The following SLC25A16 variants were observed in gnomAD, a reference collection of about 807,000 sequenced individuals.
The protein encoded by SLC25A16 is mitochondrial coenzyme A transporter SLC25A16.
In SLC25A16, 39 loss-of-function variants were observed where a neutral mutation model predicts 41.5. The ratio of observed to expected loss-of-function variants is 0.94; its 90% CI spans 0.73 to 1.23. SLC25A16 has a LOEUF of 1.23. SLC25A16 is among the 50% of genes most tolerant of loss of function. SLC25A16 has a pLI of 0.00. For missense variants in SLC25A16, 421 were observed against 426.9 expected, an observed-to-expected ratio of 0.99 and a Z score of 0.12; for synonymous variants, 146 against 147.8, an observed-to-expected ratio of 0.99 and a Z score of 0.09.
Position 68,479,425 on chromosome 10 carries a change from G to A in SLC25A16, c.*4007C>T, listed in dbSNP as rs2052460617. The stretch of plus-strand genomic sequence containing the variant: ...ATCAGATTGCAAGTACAGCTAACAA[G>A]CCTCCCAAGGGAAGTCCTCCATAAT... On this transcript the variant is annotated 3_prime_UTR_variant, in exon 9 of 9. Transcript: ENST00000609923. 1 of 152,138 alleles carries A rather than the reference G, an allele frequency of 6.6e-6. No homozygotes were observed. Among genetic ancestry groups the A allele is most frequent in the Non-Finnish European group, 1.5e-5 (1 of 68,054 alleles). The allele number at this position is 152,138 out of a possible 1,614,324, so 9.4% of individuals were successfully genotyped here. A position where few individuals can be genotyped will look rare whatever the true frequency, so the allele number is the denominator to read the frequency against.
At chr10:68,500,941 GAAA>G (rs1384968088) in intron 4 of SLC25A16, among the ~76,000 whole-genome samples, 1 of 144,680 alleles carries the variant, frequency 6.9e-6, no homozygotes, top group Non-Finnish European at 1.5e-5. Flanking sequence ...AAAAAAAGAA[GAAA>G]AAAGATAATT....
At chr10:68,510,705 G>A (rs2053047306) in intron 2 of SLC25A16, among the ~76,000 whole-genome samples, 1 of 152,060 alleles carries the variant, frequency 6.6e-6, no homozygotes, top group Admixed American at 6.6e-5. Flanking sequence ...AGGCGTAGTG[G>A]CATGTAGCTG....
Position 68,493,454 on chromosome 10 carries a change from C to T in SLC25A16, c.538G>A (p.Ala180Thr). 1 of 1,612,820 alleles carries T rather than the reference C, an allele frequency of 6.2e-7. No individual in the cohort carries two copies. The highest frequency in any genetic ancestry group is 8.5e-7 in the Non-Finnish European group (1 of 1,179,032). Reference protein sequence around the residue: ...GIIHAFKTIYAKEGGFFGFYR... With the variant: ...GIIHAFKTIYTKEGGFFGFYR... Reference sequence around the variant, plus strand: ...GGAAGGTAAATATGAAATACCTTTGCATAAATTGTTTTGAAAGCATGAATA... The same window carrying T: ...GGAAGGTAAATATGAAATACCTTTGTATAAATTGTTTTGAAAGCATGAATA... The change falls in exon 5 of 9, where the codon GCA (alanine) becomes ACA (threonine). Residue 180 changes from alanine to threonine, a missense_variant. Physicochemically the swap from Ala to Thr is moderately conservative, Grantham distance 58. Transcript: ENST00000609923.
At chr10:68,508,216 A>G (rs1271164020) in intron 2 of SLC25A16, among the ~76,000 whole-genome samples, 2 of 152,064 alleles carry the variant, frequency 1.3e-5, no homozygotes, top group Non-Finnish European at 2.9e-5. Flanking sequence ...CATCTCAAAA[A>G]AACAAACAAA....
At chr10:68,504,586 C>T (rs1031586101) in intron 3 of SLC25A16, among the ~76,000 whole-genome samples, 18 of 151,400 alleles carry the variant, frequency 1.2e-4, no homozygotes, top group Admixed American at 9.2e-4. Flanking sequence ...ACCATGTTAG[C>T]CAGGATGGTC....
At chr10:68,486,218 C>CA (rs1397261235) in intron 8 of SLC25A16, among the ~76,000 whole-genome samples, 7 of 49,864 alleles carry the variant, frequency 1.4e-4, no homozygotes, top group African/African-American at 6.7e-4. Flanking sequence ...GACTTTGTCT[C>CA]AAAAAAACAA....
At chr10:68,486,956 CAAAAA>C (rs374368406) in intron 8 of SLC25A16, 183 bp downstream of exon 8, 1,756 of 100,056 alleles carry the variant, frequency 0.018, no homozygotes, top group South Asian at 0.031. Context: ...GACTGCATCT[CAAAAA>C]AAAAAAAAAA....
At position 68,483,575 on chromosome 10, in the gene SLC25A16, T is replaced by C; in HGVS notation, c.856A>G (p.Thr286Ala). Reference sequence around the variant, plus strand: ...TGGTGTCCATAGACATACTTCATAGTATCCCGCATGGTACTGAAAGACAAT... The same window carrying C: ...TGGTGTCCATAGACATACTTCATAGCATCCCGCATGGTACTGAAAGACAAT... ...EFEKCLTMRD[T>A]MKYVYGHHGI... The change falls in exon 9 of 9, where the codon ACT (threonine) becomes GCT (alanine). Residue 286 changes from threonine to alanine, a missense_variant. Physicochemically the swap from Thr to Ala is moderately conservative, Grantham distance 58 (BLOSUM62 0). Transcript: ENST00000609923. The C allele has an allele frequency of 6.2e-7, 1 of 1,604,440 alleles. No homozygotes were observed. The highest frequency in any genetic ancestry group is 8.5e-7 in the Non-Finnish European group (1 of 1,176,146).
At chr10:68,490,251 C>T (rs1328790636) in intron 6 of SLC25A16, among the ~76,000 whole-genome samples, 1 of 152,064 alleles carries the variant, frequency 6.6e-6, no homozygotes, top group Non-Finnish European at 1.5e-5. Flanking sequence ...TGCACCACTG[C>T]ACTCCAGCCT....
chr10:68,487,861 CT>C (rs34777333), intron 7 of SLC25A16, among the ~76,000 whole-genome samples: 7 of 149,860 alleles, frequency 4.7e-5, no homozygotes, highest in African/African-American at 1.2e-4. Context: ...TGCAATCTCT[CT>C]TTTTTTTTTG....
chr10:68,516,946 C>A, intron 1 of SLC25A16, 103 bp from the exon 2 acceptor site: 1 of 1,057,394 alleles, frequency 9.5e-7, no homozygotes, highest in Non-Finnish European at 1.4e-6. Flanking sequence ...CTAATTCAGT[C>A]TCCATGAGTA....
intron 6 of SLC25A16, 47 bp from the exon 7 acceptor site, chr10:68,488,676 G>T: frequency 1.4e-6 from 2 of 1,471,686 alleles, no homozygotes; most frequent in Non-Finnish European, 1.9e-6. Flanking sequence ...CATAACATGA[G>T]CTGTGAAAAA....
intron 1 of SLC25A16, among the ~76,000 whole-genome samples, chr10:68,525,712 G>A (rs1378670450): frequency 6.6e-6 from 1 of 152,150 alleles, no homozygotes; most frequent in Non-Finnish European, 1.5e-5. Flanking sequence ...TACTGTGTCT[G>A]TGTAGAAAGA....
chr10:68,512,077 C>T (rs921132956), intron 2 of SLC25A16, among the ~76,000 whole-genome samples: 4 of 151,888 alleles, frequency 2.6e-5, no homozygotes, highest in Non-Finnish European at 4.4e-5. Context: ...GGCTTACACA[C>T]GTTTAATTTT....
At chr10:68,523,692 C>T (rs1390163546) in intron 1 of SLC25A16, among the ~76,000 whole-genome samples, 1 of 152,070 alleles carries the variant, frequency 6.6e-6, no homozygotes, top group Admixed American at 6.6e-5. Context: ...CCGGGATGGT[C>T]TTGAACTCCT....
chr10:68,519,118 G>T (rs1355476794), intron 1 of SLC25A16, among the ~76,000 whole-genome samples: 4 of 150,738 alleles, frequency 2.7e-5, no homozygotes, highest in Non-Finnish European at 5.9e-5. Flanking sequence ...CTTGAACTTG[G>T]GAGGCAGAGG....
chr10:68,500,035 C>A, intron 4 of SLC25A16: 2 of 309,846 alleles, frequency 6.5e-6, no homozygotes, highest in Admixed American at 4.0e-5. Context: ...ACCTTGATCT[C>A]AATCTTTAGG....
chr10:68,486,903 G>A (rs2052572789), intron 8 of SLC25A16, among the ~76,000 whole-genome samples: 1 of 131,816 alleles, frequency 7.6e-6, no homozygotes, highest in Non-Finnish European at 1.5e-5. Flanking sequence ...GTTACAGTTA[G>A]CCAAGACCAT....
intron 2 of SLC25A16, among the ~76,000 whole-genome samples, chr10:68,512,906 G>A (rs987037209): frequency 7.2e-5 from 11 of 152,236 alleles, no homozygotes; most frequent in African/African-American, 2.6e-4. Flanking sequence ...GGGCGTGGTG[G>A]CGGGTGCCCG....
Sources: gnomAD v4.1 joint callset for allele counts (sites outside exome capture counted in the v4.1 genomes callset) on GRCh38, gnomAD v4.1.1 for gene constraint, MANE v1.5 for transcripts, NCBI Gene and HGNC (gene_info 2026-07-23, HGNC 2026-07-21) for gene names.